Variants in DHX37 observed in about 807,000 individuals in gnomAD.
DHX37 encodes DEAH-box helicase 37.
DHX37 carries 52 observed loss-of-function variants against 134.3 expected under a neutral mutation model. The ratio of observed to expected loss-of-function variants is 0.39; its 90% CI spans 0.31 to 0.49. The LOEUF (loss-of-function observed/expected upper bound fraction) is 0.49. Ranked by LOEUF, DHX37 falls within the 20% of genes least tolerant of loss-of-function variation. The pLI is 0.93. For missense variants in DHX37, 1,344 were observed against 1,580.8 expected, an observed-to-expected ratio of 0.85 and a Z score of 2.54; for synonymous variants, 634 against 670.7, an observed-to-expected ratio of 0.95 and a Z score of 0.85.
chr12:124,968,852 G>A lies in DHX37; in HGVS notation c.1293+15C>T. ...TGCCATCCAAGCTCACAGAGGACATGGGACCCTGTGTTACCTTGATGACCG... is the reference window on the plus strand; with the variant it reads ...TGCCATCCAAGCTCACAGAGGACATAGGACCCTGTGTTACCTTGATGACCG... On this transcript the variant is annotated intron_variant, in intron 9 of 26. Transcript: ENST00000308736. 6.2e-7 allele frequency: 1 copy of A among 1,613,698 alleles called. No individual in the cohort carries two copies. Among genetic ancestry groups the A allele is most frequent in the Non-Finnish European group, 8.5e-7 (1 of 1,179,806 alleles).
intron 15 of DHX37, among the ~76,000 whole-genome samples, chr12:124,960,636 A>C (rs1954217724): frequency 6.6e-6 from 1 of 152,108 alleles, no homozygotes; most frequent in Non-Finnish European, 1.5e-5. Context: ...CTGCCTCGTA[A>C]GGAATTGGTG....
chr12:124,966,816 T>G lies in DHX37; in HGVS notation c.1567A>C (p.Arg523=). 6.2e-7 allele frequency: 1 copy of G among 1,614,216 alleles called. No homozygotes were observed. The highest frequency in any genetic ancestry group is 1.1e-5 in the South Asian group (1 of 91,088). ...ACCTCAGCCCGCGCCTTCTTGGCCC[T>G]GGCCCTTGACTTCTTAAACTTCCGC... is the stretch of plus-strand genomic sequence containing the variant. ...EMRKFKKSRA[R]AKKARAEVLP... Residue 523 remains arginine, a synonymous_variant, in exon 12 of 27, where the codon AGG becomes CGG. Coordinates refer to ENST00000308736, the MANE Select transcript of DHX37 (RefSeq NM_032656.4).
At chr12:124,952,186 G>A (rs1222394982) in intron 21 of DHX37, among the ~76,000 whole-genome samples, 1 of 152,090 alleles carries the variant, frequency 6.6e-6, no homozygotes, top group African/African-American at 2.4e-5. Flanking sequence ...TAAATGCTGT[G>A]TGAATTTTAT....
intron 6 of DHX37, among the ~76,000 whole-genome samples, chr12:124,975,176 C>A (rs1321845823): frequency 6.6e-6 from 1 of 152,192 alleles, no homozygotes; most frequent in African/African-American, 2.4e-5. Context: ...TGTTCTCGAG[C>A]CCCTGGATGG....
intron 20 of DHX37, 168 bp downstream of exon 20, chr12:124,953,712 T>C (rs1954021532): frequency 8.2e-7 from 1 of 1,214,260 alleles, no homozygotes. Context: ...ATGTGCACAT[T>C]CCCTTGTTCC....
At position 124,948,029 on chromosome 12, in the gene DHX37, T is replaced by C. The variant is rs754180724; in HGVS notation, c.3388+55A>G. 5 of 1,614,084 alleles carry C rather than the reference T, an allele frequency of 3.1e-6. No homozygotes were observed. In the South Asian group the frequency reaches 4.4e-5, roughly 14 times the overall value. On this transcript the variant is annotated intron_variant, in intron 26 of 26. Transcript: ENST00000308736. ...GACCGTGCACAAAGCACAAAGCCCC[T>C]GCCTCAGTGACCCCATCCTGTCTAC...
intron 15 of DHX37, among the ~76,000 whole-genome samples, chr12:124,961,176 GCATGCGCGCACGCACACACACACATA>G (rs1566331883): frequency 3.9e-5 from 3 of 76,300 alleles, no homozygotes; most frequent in East Asian, 5.1e-4. Flanking sequence ...ATACACGCGC[GCATGCGCGCACGCACACACACACATA>G]CACGTGTGCA....
Position 124,949,918 on chromosome 12 carries a change from G to A in DHX37, c.3290+68C>T. 1.3e-6 allele frequency: 2 copies of A among 1,495,780 alleles called. No homozygotes were observed. Among genetic ancestry groups the A allele is most frequent in the Non-Finnish European group, 9.1e-7 (1 of 1,099,060 alleles). 92.7% of individuals were successfully genotyped at this position (1,495,780 alleles called of 1,614,324 possible). A position where few individuals can be genotyped will look rare whatever the true frequency, so the allele number is the denominator to read the frequency against. ...CTGTGTGTGGTGCTTTGTCCTGGCA[G>A]CCCCGGGGAGGTCATTCAGGCCTCG... On this transcript the variant is annotated intron_variant, in intron 25 of 26. Transcript: ENST00000308736. This position sits in a 1 kb window ranked among gnomAD's most constrained non-coding sequence, Gnocchi z 4.0.
Position 124,980,457 on chromosome 12 carries a change from T to C in DHX37, c.738+33A>G. ...TCTGTGCGCCCCTTGCCCGCTAACC[T>C]AGATTCTTAATCACAAACACGGGGT... On this transcript the variant is annotated intron_variant, in intron 4 of 26. Coordinates refer to ENST00000308736, the MANE Select transcript of DHX37 (RefSeq NM_032656.4). This position sits in a 1 kb window ranked among gnomAD's most constrained non-coding sequence, Gnocchi z 5.3. 6.3e-7 allele frequency: 1 copy of C among 1,599,918 alleles called. No individual in the cohort carries two copies. The highest frequency in any genetic ancestry group is 8.5e-7 in the Non-Finnish European group (1 of 1,176,204).
At chr12:124,965,504 G>A (rs541776962) in intron 13 of DHX37, among the ~76,000 whole-genome samples, 164 bp downstream of exon 13, 26 of 152,328 alleles carry the variant, frequency 1.7e-4, no homozygotes, top group African/African-American at 6.3e-4. Context: ...CATTCAACAT[G>A]GCAAATGTTT....
rs1182353361 is a variant in DHX37 at position 124,949,933 on chromosome 12, T to TA, written c.3290+52_3290+53insT. The TA allele has an allele frequency of 6.5e-7, 1 of 1,546,064 alleles. No individual in the cohort carries two copies. Among genetic ancestry groups the TA allele is most frequent in the African/African-American group, 1.4e-5 (1 of 73,144 alleles). On this transcript the variant is annotated intron_variant, in intron 25 of 26. Transcript: ENST00000308736. This position sits in a 1 kb window ranked among gnomAD's most constrained non-coding sequence, Gnocchi z 4.0. Reference sequence around the variant, plus strand: ...TGTCCTGGCAGCCCCGGGGAGGTCATTCAGGCCTCGGACCCCTCCTGCCCA... The same window carrying TA: ...TGTCCTGGCAGCCCCGGGGAGGTCATATCAGGCCTCGGACCCCTCCTGCCCA...
rs529208929 is a variant in DHX37 at position 124,947,643 on chromosome 12, C to T, written c.*159G>A. On this transcript the variant is annotated 3_prime_UTR_variant, in exon 27 of 27. Transcript: ENST00000308736. ...GGCACGGGCGGCAGCACCCTTCATA[C>T]GGGATCGAGCTCTCATGGATGAGGG... is the stretch of plus-strand genomic sequence containing the variant. 49 of 963,938 alleles carry T rather than the reference C, an allele frequency of 5.1e-5. No individual in the cohort carries two copies. Among genetic ancestry groups the T allele is most frequent in the South Asian group, 2.7e-4 (14 of 52,342 alleles). 59.7% of individuals were successfully genotyped at this position (963,938 alleles called of 1,614,324 possible).
intron 13 of DHX37, among the ~76,000 whole-genome samples, chr12:124,965,461 C>T (rs1232224739): frequency 2.0e-5 from 3 of 152,348 alleles, no homozygotes; most frequent in East Asian, 1.9e-4. Context: ...TGAAGGCCTG[C>T]GTCCCTCAGC....
intron 15 of DHX37, among the ~76,000 whole-genome samples, chr12:124,962,189 C>A (rs181283537): frequency 7.5e-4 from 114 of 152,110 alleles, no homozygotes; most frequent in African/African-American, 2.5e-3. Flanking sequence ...GCCTGAGCAA[C>A]AGAGTGAGAC....
intron 8 of DHX37, among the ~76,000 whole-genome samples, chr12:124,969,756 C>T (rs1017614336): frequency 6.6e-6 from 1 of 151,986 alleles, no homozygotes. Flanking sequence ...ATTCTGCAGC[C>T]GCTGGGGGAA....
intron 3 of DHX37, among the ~76,000 whole-genome samples, chr12:124,981,921 C>T (rs1188518611): frequency 1.3e-5 from 2 of 151,600 alleles, no homozygotes; most frequent in East Asian, 2.0e-4. Flanking sequence ...GTTGGGAGTT[C>T]GAGACCAGCC....
At chr12:124,950,082 G>C (rs1488417189) in intron 24 of DHX37, 23 bp from the exon 25 acceptor site, 2 of 1,613,844 alleles carry the variant, frequency 1.2e-6, no homozygotes, top group East Asian at 2.2e-5. Flanking sequence ...CACAGGAAGG[G>C]GTGAGGCCCG....
In DHX37 at chr12:124,953,596, G is replaced by A. The variant is rs567470251; in HGVS notation, c.2695+284C>T. 1.3e-3 allele frequency: 584 copies of A among 441,472 alleles called. 11 individuals are homozygous for A. The highest frequency in any genetic ancestry group is 0.012 in the South Asian group (553 of 44,394). 27.3% of individuals were successfully genotyped at this position (441,472 alleles called of 1,614,324 possible). ...GGGAAGAGGGGTCCAGGCCACAGCG[G>A]TGATGGAAAATGGCAGGGGGTATCG... is the stretch of plus-strand genomic sequence containing the variant. On this transcript the variant is annotated intron_variant, in intron 20 of 26. Coordinates refer to ENST00000308736, the MANE Select transcript of DHX37 (RefSeq NM_032656.4).
Position 124,986,161 on chromosome 12 carries a change from GCTT to G in DHX37, c.208_210del (p.Lys70del), listed in dbSNP as rs1565896176. On this transcript the variant is annotated inframe_deletion, in exon 2 of 27. Coordinates refer to ENST00000308736, the MANE Select transcript of DHX37 (RefSeq NM_032656.4). ...ACTTTCTTCTCCTTCTTGGTCAGAG[GCTT>G]CTTCTCCTTCTTCGACAGGGGAGGG... is the stretch of plus-strand genomic sequence containing the variant. 2 of 1,614,150 alleles carry G rather than the reference GCTT, an allele frequency of 1.2e-6. No individual in the cohort carries two copies. The highest frequency in any genetic ancestry group is 2.2e-5 in the East Asian group (1 of 44,882).
Sources: allele counts gnomAD v4.1 joint callset (sites outside exome capture counted in the v4.1 genomes callset), GRCh38; gene constraint gnomAD v4.1.1; non-coding constraint Gnocchi (gnomAD v3.1); transcripts MANE v1.5; gene names NCBI Gene and HGNC (gene_info 2026-07-23, HGNC 2026-07-21).